PTPRZ1: variants seen among roughly 807,000 people sequenced by gnomAD.
PTPRZ1 encodes receptor-type tyrosine-protein phosphatase zeta.
A neutral mutation model predicts 214.1 loss-of-function variants in PTPRZ1; 82 were observed. The ratio of observed to expected loss-of-function variants is 0.38; its 90% CI spans 0.32 to 0.46. PTPRZ1 has a LOEUF of 0.46. Ranked by LOEUF, PTPRZ1 falls within the 20% of genes least tolerant of loss-of-function variation. The pLI is 1.00. For missense variants in PTPRZ1, 2,603 were observed against 2,748.7 expected (o/e 0.95, Z 1.19); for synonymous variants, 945 against 987.9 (o/e 0.96, Z 0.81).
intron 2 of PTPRZ1, among the ~76,000 whole-genome samples, chr7:121,945,515 T>G (rs983090897): frequency 7.2e-5 from 11 of 152,200 alleles, no homozygotes; most frequent in African/African-American, 2.7e-4. Flanking sequence ...ATTTTTCATT[T>G]CCTCAGACTC....
At position 122,011,283 on chromosome 7, in the gene PTPRZ1, C is replaced by T. The variant is rs200081860; in HGVS notation, c.2237C>T (p.Ser746Leu). 143 of 1,613,916 alleles carry T rather than the reference C, an allele frequency of 8.9e-5. No homozygotes were observed. Among genetic ancestry groups the T allele is most frequent in the Middle Eastern group, 3.3e-4 (2 of 6,084 alleles). ...DLVSTVNVVY[S>L]QTTQPVYNGE... ...GTCTCCACGGTCAACGTGGTATACT[C>T]GCAGACAACCCAACCGGTATACAAT... The change falls in exon 12 of 30, where the codon TCG becomes TTG. Residue 746 changes from serine (S) to leucine (L), a missense_variant. Physicochemically the swap from Ser to Leu is moderately radical, Grantham distance 145 (BLOSUM62 -2). Around this residue, in one of 6 missense-constraint regions of PTPRZ1, gnomAD observed 1,913 missense variants for 1,914.3 expected, o/e 1.00. Coordinates refer to ENST00000393386, the MANE Select transcript of PTPRZ1 (RefSeq NM_002851.3).
rs542123814 is a variant in PTPRZ1, at chr7:121,998,921, A to G, written c.1240+915A>G. ...ATTATAGCCTATTTTAGTTTTACCT[A>G]TGGCAGGAAAACTGATGTGCACGGT... On this transcript the variant is annotated intron_variant, in intron 10 of 29. Coordinates refer to ENST00000393386, the MANE Select transcript of PTPRZ1 (RefSeq NM_002851.3). Among the ~76,000 whole-genome samples, 20 of 152,278 alleles carry G rather than the reference A, an allele frequency of 1.3e-4. 1 individual carries two copies. The East Asian group carries it at 3.1e-3, about 24-fold the overall frequency.
chr7:121,922,640 CTTATT>C (rs1464854526), intron 1 of PTPRZ1, among the ~76,000 whole-genome samples: 1 of 152,078 alleles, frequency 6.6e-6, no homozygotes, highest in Non-Finnish European at 1.5e-5. Flanking sequence ...AGAGAAAAGA[CTTATT>C]TTGTTTCCAG....
chr7:122,060,837 A>G (rs1792549198), intron 29 of PTPRZ1, among the ~76,000 whole-genome samples: 1 of 152,168 alleles, frequency 6.6e-6, no homozygotes, highest in South Asian at 2.1e-4. Context: ...AGAATTAAGT[A>G]CTTATTGGCA....
At chr7:121,936,953 CATAGTGTTTTGTTCAG>C (rs1286584726) in intron 2 of PTPRZ1, among the ~76,000 whole-genome samples, 1 of 152,166 alleles carries the variant, frequency 6.6e-6, no homozygotes, top group Non-Finnish European at 1.5e-5. Flanking sequence ...GCTTAAGCCA[CATAGTGTTTTGTTCAG>C]ATGAGATAAC....
intron 3 of PTPRZ1, among the ~76,000 whole-genome samples, chr7:121,969,581 A>G (rs928917167): frequency 1.3e-3 from 174 of 135,622 alleles, no homozygotes; most frequent in Non-Finnish European, 2.3e-3. Flanking sequence ...AAAAAAAAAA[A>G]TCTCATGAAA....
In PTPRZ1 at chr7:121,983,685, C is replaced by A. The variant is rs757086241; in HGVS notation, c.640C>A (p.Pro214Thr). 3 of 1,612,630 alleles carry A rather than the reference C, an allele frequency of 1.9e-6. No homozygotes were observed. The South Asian group carries it at 3.3e-5, about 18-fold the overall frequency. The change falls in exon 7 of 30, where the codon CCA (proline) becomes ACA (threonine). Residue 214 changes from proline to threonine, a missense_variant. By Grantham distance (38) the Pro-to-Thr change is conservative (BLOSUM62 -1). Around this residue, in one of 6 missense-constraint regions of PTPRZ1, gnomAD observed 244 missense variants for 333.2 expected, o/e 0.73. Transcript: ENST00000393386. ...SRFGKQAALD[P>T]FILLNLLPNS... ...TTTAGGGAAGCAGGCTGCTTTAGATCCATTCATACTGTTGAACCTTCTGCC... is the reference window on the plus strand; with the variant it reads ...TTTAGGGAAGCAGGCTGCTTTAGATACATTCATACTGTTGAACCTTCTGCC...
intron 6 of PTPRZ1, among the ~76,000 whole-genome samples, chr7:121,979,890 G>T (rs2116555230): frequency 6.6e-6 from 1 of 152,218 alleles, no homozygotes. Context: ...AGAAGAAAAT[G>T]TAACTGAAAA....
intron 1 of PTPRZ1, among the ~76,000 whole-genome samples, chr7:121,921,288 A>G (rs1795590294): frequency 6.6e-6 from 1 of 152,122 alleles, no homozygotes; most frequent in Admixed American, 6.6e-5. Context: ...TAGTAAACAA[A>G]TTACCAACAT....
Position 121,972,705 on chromosome 7 carries a change from A to T in PTPRZ1, c.456+13A>T, listed in dbSNP as rs753155031. 1.4e-5 allele frequency: 23 copies of T among 1,586,622 alleles called. No homozygotes were observed. Among genetic ancestry groups the T allele is most frequent in the Non-Finnish European group, 2.0e-5 (23 of 1,164,348 alleles). ...ATTTCCACTTGAGGTAAGTCAGGAG[A>T]TCTGCTGTGTACTATTTTATTTTCT... On this transcript the variant is annotated intron_variant, in intron 4 of 29. Transcript: ENST00000393386.
intron 9 of PTPRZ1, among the ~76,000 whole-genome samples, chr7:121,996,789 CA>C (rs1029249730): frequency 6.6e-6 from 1 of 151,946 alleles, no homozygotes; most frequent in African/African-American, 2.4e-5. Context: ...ATAACTTTGC[CA>C]ACAATAACAC....
chr7:122,007,234 G>A (rs923179185), intron 11 of PTPRZ1, among the ~76,000 whole-genome samples: 1 of 152,138 alleles, frequency 6.6e-6, no homozygotes, highest in African/African-American at 2.4e-5. Context: ...TATGACATTA[G>A]GCTTATTTGG....
chr7:122,054,079 G>T lies in PTPRZ1; in HGVS notation c.6381+41G>T, dbSNP rs1381893189. ...CACTTTTGGGACTTCCTTTACAGAG[G>T]AATATCAGGTTACAAACAGCAAAAA... On this transcript the variant is annotated intron_variant, in intron 26 of 29. Coordinates refer to ENST00000393386, the MANE Select transcript of PTPRZ1 (RefSeq NM_002851.3). 3.1e-6 allele frequency: 5 copies of T among 1,601,940 alleles called. No homozygotes were observed. The South Asian group carries it at 4.5e-5, about 14-fold the overall frequency.
At chr7:121,908,445 C>T (rs1039418570) in intron 1 of PTPRZ1, 2 of 395,218 alleles carry the variant, frequency 5.1e-6, no homozygotes, top group Non-Finnish European at 4.9e-6. Flanking sequence ...ACTAATGTAT[C>T]CAACTTTTAT....
chr7:122,033,951 C>T (rs1319222665), intron 15 of PTPRZ1, 144 bp from the exon 16 acceptor site: 1 of 670,962 alleles, frequency 1.5e-6, no homozygotes, highest in Admixed American at 3.2e-5. Context: ...TTGAAACATT[C>T]TGTTGTGTTA....
At chr7:122,049,966 T>A (rs1206358) in intron 23 of PTPRZ1, among the ~76,000 whole-genome samples, 97,423 of 152,006 alleles carry the variant, frequency 0.64, 32,967 homozygotes, top group African/African-American at 0.88. Flanking sequence ...TGTGGTAGAG[T>A]TAACATTACG....
intron 27 of PTPRZ1, among the ~76,000 whole-genome samples, chr7:122,057,968 G>GTA (rs1187382675): frequency 3.1e-4 from 11 of 35,158 alleles, no homozygotes; most frequent in Non-Finnish European, 5.2e-4. Context: ...GTGTGTGTGT[G>GTA]TATATATATA....
chr7:122,035,420 A>G (rs1469846821), intron 17 of PTPRZ1, among the ~76,000 whole-genome samples: 1 of 152,170 alleles, frequency 6.6e-6, no homozygotes, highest in Non-Finnish European at 1.5e-5. Context: ...TTCCTCTACA[A>G]GCTAAATAGA....
At chr7:122,051,651 G>A (rs1454162976) in intron 24 of PTPRZ1, 130 bp downstream of exon 24, 3 of 870,316 alleles carry the variant, frequency 3.4e-6, no homozygotes, top group Non-Finnish European at 5.4e-6. Flanking sequence ...TGTCCAATAT[G>A]TAACTGTTCC....
Sources: gnomAD v4.1 joint callset for allele counts (sites outside exome capture counted in the v4.1 genomes callset) on GRCh38, gnomAD v4.1.1 for gene constraint, gnomAD v4.1.1 regional missense constraint, MANE v1.5 for transcripts, NCBI Gene and HGNC (gene_info 2026-07-23, HGNC 2026-07-21) for gene names.